CLIP1: variants seen among roughly 807,000 people sequenced by gnomAD.
CLIP1 encodes CAP-Gly domain-containing linker protein 1.
CLIP1 carries 66 observed loss-of-function variants against 161.6 expected under a neutral mutation model. The ratio of observed to expected loss-of-function variants is 0.41; its 90% CI spans 0.33 to 0.50. CLIP1 has a LOEUF of 0.50. Ranked by LOEUF, CLIP1 falls within the 20% of genes least tolerant of loss-of-function variation. CLIP1 has a pLI of 0.27. For synonymous variants in CLIP1, 598 were observed against 626.2 expected, an observed-to-expected ratio of 0.96 and a Z score of 0.67; for missense variants, 1,376 against 1,702.0, an observed-to-expected ratio of 0.81 and a Z score of 3.37.
chr12:122,324,833 A>G (rs2136691686), intron 17 of CLIP1, among the ~76,000 whole-genome samples: 1 of 152,302 alleles, frequency 6.6e-6, no homozygotes, highest in Admixed American at 6.5e-5. Flanking sequence ...AAGGGAAAAT[A>G]AACTACTGCC....
chr12:122,355,173 G>C lies in CLIP1; in HGVS notation c.1145C>G (p.Thr382Arg), dbSNP rs1228532230. The C allele has an allele frequency of 6.2e-7, 1 of 1,614,160 alleles. No individual in the cohort carries two copies. The highest frequency in any genetic ancestry group is 1.7e-5 in the Admixed American group (1 of 60,028). The change falls in exon 6 of 26, where the codon ACG (threonine) becomes AGG (arginine). Residue 382 changes from threonine to arginine, a missense_variant. Around this residue, in one of 6 missense-constraint regions of CLIP1, gnomAD observed 211 missense variants for 295.1 expected, o/e 0.72. Coordinates refer to ENST00000620786, the MANE Select transcript of CLIP1 (RefSeq NM_001247997.2). The surrounding 1 kb of genome is among the most constrained non-coding windows in gnomAD (Gnocchi z 4.1). ...CTGCTCTATCTCCCCCACGTGGCTC[G>C]TGGCCTTGGCCACCTCCGCCCTCTC... The part of the protein sequence containing the change: ...DLERAEVAKA[T>R]SHVGEIEQEL...
At chr12:122,365,432 C>A in intron 3 of CLIP1, 1 of 780,762 alleles carries the variant, frequency 1.3e-6, no homozygotes. Flanking sequence ...GCGTATGGAG[C>A]ACATTAAGCA....
At chr12:122,378,351 T>C (rs1247817592) in intron 2 of CLIP1, among the ~76,000 whole-genome samples, 1 of 152,174 alleles carries the variant, frequency 6.6e-6, no homozygotes, top group East Asian at 1.9e-4. Flanking sequence ...CCTCCCAAAG[T>C]GTTAGGATTA....
chr12:122,299,538 T>C (rs181892792), intron 20 of CLIP1, among the ~76,000 whole-genome samples: 1,464 of 124,924 alleles, frequency 0.012, 29 homozygotes, highest in South Asian at 0.065. Flanking sequence ...GCAGATATAA[T>C]TTTTTTAAAT....
intron 1 of CLIP1, among the ~76,000 whole-genome samples, chr12:122,402,731 G>A (rs1343048611): frequency 6.6e-6 from 1 of 151,728 alleles, no homozygotes; most frequent in African/African-American, 2.4e-5. Flanking sequence ...AGCTGAGATA[G>A]CGCCACTGTA....
At chr12:122,420,923 AGGCTC>A (rs1421424089) in intron 1 of CLIP1, among the ~76,000 whole-genome samples, 1 of 151,728 alleles carries the variant, frequency 6.6e-6, no homozygotes, top group African/African-American at 2.4e-5. Flanking sequence ...GGACAGATTG[AGGCTC>A]CCTCTCATTG....
chr12:122,321,673 C>A (rs927045344), intron 17 of CLIP1, among the ~76,000 whole-genome samples: 5 of 152,060 alleles, frequency 3.3e-5, no homozygotes, highest in Non-Finnish European at 7.4e-5. Flanking sequence ...CATGTGTCAC[C>A]ATGCCCAGCT....
chr12:122,352,562 A>G (rs1240027976), intron 8 of CLIP1, among the ~76,000 whole-genome samples, 164 bp downstream of exon 8: 1 of 152,126 alleles, frequency 6.6e-6, no homozygotes, highest in East Asian at 1.9e-4. Flanking sequence ...ACACACTCAC[A>G]GGCTCAAGTA....
chr12:122,362,587 G>A, intron 4 of CLIP1, among the ~76,000 whole-genome samples: 1 of 125,092 alleles, frequency 8.0e-6, no homozygotes, highest in Admixed American at 1.0e-4. Context: ...GTTGCGGTGA[G>A]CCAAGATTGT....
chr12:122,363,942 G>T, intron 4 of CLIP1, 41 bp downstream of exon 4: 1 of 1,612,812 alleles, frequency 6.2e-7, no homozygotes. Flanking sequence ...GCATCGTCAC[G>T]TACAAGAGTG....
chr12:122,342,564 C>T (rs1952554329), intron 10 of CLIP1: 2 of 152,246 alleles, frequency 1.3e-5, no homozygotes, highest in African/African-American at 2.4e-5. Flanking sequence ...AGTGCAGTGG[C>T]TCACGCCTGT....
chr12:122,379,943 T>TAAAAA (rs1566198620), intron 2 of CLIP1, among the ~76,000 whole-genome samples: 1,833 of 70,294 alleles, frequency 0.026, 107 homozygotes, highest in Non-Finnish European at 0.039. Flanking sequence ...GACTCCATCT[T>TAAAAA]TAAAAAAAAA....
chr12:122,310,286 CTCTGT>C (rs751347931), intron 19 of CLIP1, among the ~76,000 whole-genome samples: 2 of 152,200 alleles, frequency 1.3e-5, no homozygotes, highest in Non-Finnish European at 2.9e-5. Context: ...TGCCAAGGCA[CTCTGT>C]TCTAACTGCA....
At chr12:122,295,568 A>T (rs760724733) in intron 20 of CLIP1, among the ~76,000 whole-genome samples, 1 of 152,172 alleles carries the variant, frequency 6.6e-6, no homozygotes, top group Non-Finnish European at 1.5e-5. Context: ...TGCACTTGAG[A>T]AGTGTGTGTC....
chr12:122,351,210 G>A (rs1953022162), intron 8 of CLIP1, 67 bp from the exon 9 acceptor site: 5 of 946,506 alleles, frequency 5.3e-6, no homozygotes, highest in Non-Finnish European at 3.0e-6. Context: ...GCTTCAATAT[G>A]TGTTAGGGTT....
At chr12:122,403,385 T>C (rs1415946872) in intron 1 of CLIP1, among the ~76,000 whole-genome samples, 1 of 151,294 alleles carries the variant, frequency 6.6e-6, no homozygotes, top group Non-Finnish European at 1.5e-5. Context: ...CAAAATACAG[T>C]ACAGAGACTG....
intron 20 of CLIP1, among the ~76,000 whole-genome samples, chr12:122,297,608 A>G (rs1950521876): frequency 6.6e-6 from 1 of 152,174 alleles, no homozygotes; most frequent in Non-Finnish European, 1.5e-5. Context: ...CTGAGGTCCA[A>G]AATAGCAGCT....
At chr12:122,342,590 G>A (rs1006613516) in intron 10 of CLIP1, 1 of 152,130 alleles carries the variant, frequency 6.6e-6, no homozygotes, top group Non-Finnish European at 1.5e-5. Flanking sequence ...CACCACTTTG[G>A]GAGGCCGAGG....
At chr12:122,276,434 C>T (rs1017292391) in intron 24 of CLIP1, 19 of 1,267,126 alleles carry the variant, frequency 1.5e-5, no homozygotes, top group Non-Finnish European at 1.7e-5. Context: ...AAACATGAAA[C>T]GAACCATTTG....
Sources: allele counts gnomAD v4.1 joint callset (sites outside exome capture counted in the v4.1 genomes callset), GRCh38; gene constraint gnomAD v4.1.1; regional missense constraint gnomAD v4.1.1; non-coding constraint Gnocchi (gnomAD v3.1); transcripts MANE v1.5; gene names NCBI Gene and HGNC (gene_info 2026-07-23, HGNC 2026-07-21).